Variants in HPS3 observed in about 807,000 individuals in gnomAD.
HPS3 encodes the protein BLOC-2 complex member HPS3.
In HPS3, 79 loss-of-function variants were observed where a neutral mutation model predicts 110.9. The ratio of observed to expected loss-of-function variants is 0.71; its 90% CI spans 0.59 to 0.86. The LOEUF is 0.86. Among genes scored for constraint, HPS3 ranks in the 40% least tolerant of loss-of-function variants. HPS3 has a pLI of 0.00. For missense variants in HPS3, 1,197 were observed against 1,206.2 expected, an observed-to-expected ratio of 0.99 and a Z score of 0.11; for synonymous variants, 428 against 451.0, an observed-to-expected ratio of 0.95 and a Z score of 0.65.
rs147593958 is a variant in HPS3 at position 149,167,078 on chromosome 3, G to C, written c.2634G>C (p.Pro878=). 1 of 1,613,604 alleles carries C rather than the reference G, an allele frequency of 6.2e-7. No individual in the cohort carries two copies. Among genetic ancestry groups the C allele is most frequent in the Non-Finnish European group, 8.5e-7 (1 of 1,179,760 alleles). The stretch of plus-strand genomic sequence containing the variant: ...CATTTGACATAGCTTCCATTATTCC[G>C]TTCTTGGAGCCACTTTCAGAAGACA... ...GPSFDIASII[P]FLEPLSEDTI... The change falls in exon 15 of 17, where the codon CCG becomes CCC. Residue 878 remains proline (P), a synonymous_variant. Coordinates refer to ENST00000296051, the MANE Select transcript of HPS3 (RefSeq NM_032383.5).
chr3:149,145,363 C>T lies in HPS3; in HGVS notation c.980C>T (p.Thr327Ile), dbSNP rs575943583. 12 of 1,612,476 alleles carry T rather than the reference C, an allele frequency of 7.4e-6. No individual in the cohort carries two copies. Among genetic ancestry groups the T allele is most frequent in the South Asian group, 6.6e-5 (6 of 91,010 alleles). Residue 327 changes from threonine to isoleucine, a missense_variant, in exon 5 of 17, where the codon ACA (threonine) becomes ATA (isoleucine). By Grantham distance (89) the Thr-to-Ile change is moderately conservative. Transcript: ENST00000296051. ...LLPIYQTGSL[T>I]SDGKNLSQEK... ...TCATTTTTGCATGCAGGTTCTCTTA[C>T]ATCTGATGGAAAAAATTTGTCTCAG...
intron 1 of HPS3, among the ~76,000 whole-genome samples, chr3:149,137,015 A>G (rs1722152077): frequency 6.6e-6 from 1 of 152,216 alleles, no homozygotes; most frequent in African/African-American, 2.4e-5. Flanking sequence ...CAAAAGACTC[A>G]TCAACAGATT....
chr3:149,132,546 C>T (rs1721839108), intron 1 of HPS3, among the ~76,000 whole-genome samples: 1 of 152,222 alleles, frequency 6.6e-6, no homozygotes, highest in South Asian at 2.1e-4. Context: ...TGCACATTGA[C>T]AATGCACCTA....
intron 1 of HPS3, among the ~76,000 whole-genome samples, chr3:149,133,031 G>A (rs979042184): frequency 2.6e-5 from 4 of 152,234 alleles, no homozygotes; most frequent in Admixed American, 2.6e-4. Context: ...GCTTCTCATG[G>A]ATGAACAAAG....
chr3:149,162,078 T>A (rs1723914667), intron 11 of HPS3, 70 bp from the exon 12 acceptor site: 1 of 1,249,620 alleles, frequency 8.0e-7, no homozygotes, highest in Admixed American at 1.7e-5. Context: ...ACTAGCATGT[T>A]TAGTATTTCT....
intron 4 of HPS3, among the ~76,000 whole-genome samples, chr3:149,143,327 C>T (rs1355385119): frequency 1.3e-5 from 2 of 152,186 alleles, no homozygotes; most frequent in African/African-American, 4.8e-5. Context: ...GTAGGGTACT[C>T]CTCTCAGCCT....
intron 6 of HPS3, among the ~76,000 whole-genome samples, chr3:149,151,133 A>G (rs1723077978): frequency 6.6e-6 from 1 of 151,926 alleles, no homozygotes; most frequent in Non-Finnish European, 1.5e-5. Context: ...TCAGCCCCTC[A>G]AGTAGCTGGG....
chr3:149,140,192 C>T lies in HPS3; in HGVS notation c.406C>T (p.Pro136Ser), dbSNP rs771446773. The T allele has an allele frequency of 4.3e-6, 7 of 1,614,110 alleles. No individual in the cohort carries two copies. In the Admixed American group the frequency reaches 5.0e-5, roughly 12 times the overall value. ...TATTGAAATGCCGCTTTCGGAGGCC[C>T]CCTTGTGCATTTCCTGTTGCCCTGT... is the stretch of plus-strand genomic sequence containing the variant. Reference protein sequence around the residue: ...YIIEMPLSEAPLCISCCPVKG... With the variant: ...YIIEMPLSEASLCISCCPVKG... The change falls in exon 2 of 17, where the codon CCC becomes TCC. Residue 136 changes from proline to serine, a missense_variant. Physicochemically the swap from Pro to Ser is moderately conservative, Grantham distance 74. Transcript: ENST00000296051.
At chr3:149,140,592 G>A (rs758590312) in intron 2 of HPS3, 94 bp downstream of exon 2, 6 of 1,329,486 alleles carry the variant, frequency 4.5e-6, no homozygotes, top group Non-Finnish European at 5.3e-6. Context: ...ATGGTGCCCG[G>A]CCATGTTATT....
chr3:149,157,323 A>G (rs372018952), intron 8 of HPS3, 27 bp from the exon 9 acceptor site: 40 of 1,596,562 alleles, frequency 2.5e-5, no homozygotes, highest in African/African-American at 5.4e-5. Context: ...CTCTTCAGCA[A>G]CATTAGTGTT....
chr3:149,142,880 T>G (rs998968574), intron 4 of HPS3, among the ~76,000 whole-genome samples: 1 of 152,064 alleles, frequency 6.6e-6, no homozygotes, highest in African/African-American at 2.4e-5. Flanking sequence ...TGACCTCATC[T>G]TGAGGTCAGG....
chr3:149,167,904 G>GA lies in HPS3; in HGVS notation c.2814dup (p.Leu939ThrfsTer4), dbSNP rs1576708708. ...TTTTCCTAAGATAGACTCTGTGGTG[G>GA]AAAAAACTGTTGCCTGAACTTTGTC... On this transcript the variant is annotated frameshift_variant, in exon 16 of 17. Coordinates refer to ENST00000296051, the MANE Select transcript of HPS3 (RefSeq NM_032383.5). LOFTEE classifies it high-confidence loss of function. The GA allele has an allele frequency of 5.6e-6, 9 of 1,598,842 alleles. No individual in the cohort carries two copies. Among genetic ancestry groups the GA allele is most frequent in the African/African-American group, 1.3e-5 (1 of 74,722 alleles).
chr3:149,146,977 T>C (rs1001724971), intron 5 of HPS3, among the ~76,000 whole-genome samples: 1 of 152,106 alleles, frequency 6.6e-6, no homozygotes, highest in African/African-American at 2.4e-5. Flanking sequence ...TGAACATAGA[T>C]AAATAAGCTA....
intron 16 of HPS3, 152 bp downstream of exon 16, chr3:149,168,135 C>A (rs1294686923): frequency 6.4e-6 from 4 of 625,768 alleles, no homozygotes; most frequent in Non-Finnish European, 8.7e-6. Flanking sequence ...CACGTACCCT[C>A]CCCTTGACAT....
Position 149,151,678 on chromosome 3 carries a change from T to G in HPS3, c.1245+998T>G, listed in dbSNP as rs548535728. Among the ~76,000 whole-genome samples the G allele has an allele frequency of 2.0e-5, 3 of 151,536 alleles. No individual in the cohort carries two copies. In the South Asian group the frequency reaches 6.2e-4, roughly 32 times the overall value. On this transcript the variant is annotated intron_variant, in intron 6 of 16. Coordinates refer to ENST00000296051, the MANE Select transcript of HPS3 (RefSeq NM_032383.5). ...GTTGAGATTCGGTGTTTTCTGACTT[T>G]GAATTTCTGTTCTCAGAAATACACT...
chr3:149,132,465 G>A (rs1336677729), intron 1 of HPS3, among the ~76,000 whole-genome samples: 2 of 152,166 alleles, frequency 1.3e-5, no homozygotes. Context: ...TTACAACATT[G>A]TTTACTGAAT....
rs770134611 is a variant in HPS3, at chr3:149,129,686, C to T, written c.-38C>T. 2.7e-6 allele frequency: 4 copies of T among 1,490,074 alleles called. No homozygotes were observed. The highest frequency in any genetic ancestry group is 1.4e-5 in the African/African-American group (1 of 70,438). The allele number at this position is 1,490,074 out of a possible 1,614,324, so 92.3% of individuals were successfully genotyped here. On this transcript the variant is annotated 5_prime_UTR_variant, in exon 1 of 17. Transcript: ENST00000296051. The stretch of plus-strand genomic sequence containing the variant: ...CAGCGCGGGGTCTCCGGGCGCCCTG[C>T]AGGGCGGGCAGGCTGTGCCATCCCG...
chr3:149,142,213 G>A (rs1722522960), intron 4 of HPS3, among the ~76,000 whole-genome samples: 1 of 152,186 alleles, frequency 6.6e-6, no homozygotes. Context: ...GAGAAGCCAT[G>A]GAGAAGGCAT....
intron 1 of HPS3, among the ~76,000 whole-genome samples, chr3:149,138,839 G>A (rs986081170): frequency 1.4e-4 from 22 of 152,224 alleles, no homozygotes; most frequent in African/African-American, 2.2e-4. Flanking sequence ...TATAATAGCC[G>A]TGAGAGTCCA....
Sources: allele counts gnomAD v4.1 joint callset (sites outside exome capture counted in the v4.1 genomes callset), GRCh38; gene constraint gnomAD v4.1.1; transcripts MANE v1.5; gene names NCBI Gene and HGNC (gene_info 2026-07-23, HGNC 2026-07-21).